WWOX: variants seen among roughly 807,000 people sequenced by gnomAD.
WWOX encodes WW domain-containing oxidoreductase.
WWOX carries 69 observed loss-of-function variants against 46.2 expected under a neutral mutation model. That is an observed-to-expected ratio of 1.49 (90% CI 1.23 to 1.82). The LOEUF (loss-of-function observed/expected upper bound fraction) is 1.82, where lower values mean the gene tolerates loss of function less well. Ranked by LOEUF, WWOX falls within the 40% of genes most tolerant of loss-of-function variation. WWOX has a pLI of 0.00. For missense variants in WWOX, 919 were observed against 542.6 expected (o/e 1.69, Z -6.89); for synonymous variants, 359 against 202.6 (o/e 1.77, Z -6.56).
At chr16:79,143,961 G>A (rs1293737360) in intron 8 of WWOX, among the ~76,000 whole-genome samples, 1 of 152,198 alleles carries the variant, frequency 6.6e-6, no homozygotes, top group African/African-American at 2.4e-5. Context: ...GTGGAGTGCA[G>A]TGGCACAGTC....
intron 8 of WWOX, among the ~76,000 whole-genome samples, chr16:78,462,883 C>G (rs1204706536): frequency 2.0e-5 from 3 of 152,158 alleles, no homozygotes; most frequent in Non-Finnish European, 2.9e-5. Context: ...CTTGCCCTGT[C>G]CTTACTGTTT....
chr16:78,492,942 T>C (rs1346548763), intron 8 of WWOX, among the ~76,000 whole-genome samples: 1 of 152,178 alleles, frequency 6.6e-6, no homozygotes, highest in Non-Finnish European at 1.5e-5. Context: ...CAATCAGTCA[T>C]GCTTAGCATA....
intron 8 of WWOX, among the ~76,000 whole-genome samples, chr16:78,994,713 A>G (rs933909343): frequency 3.3e-5 from 5 of 152,150 alleles, no homozygotes; most frequent in Admixed American, 2.6e-4. Flanking sequence ...AAAGGGGGAA[A>G]AAACTCATTT....
chr16:78,404,486 C>T (rs2082480802), intron 6 of WWOX, among the ~76,000 whole-genome samples: 1 of 152,046 alleles, frequency 6.6e-6, no homozygotes, highest in Non-Finnish European at 1.5e-5. Context: ...CCCCAACCCT[C>T]CTCATCTGCC....
intron 8 of WWOX, among the ~76,000 whole-genome samples, chr16:78,853,671 C>T (rs2052502778): frequency 6.6e-6 from 1 of 152,062 alleles, no homozygotes; most frequent in Non-Finnish European, 1.5e-5. Flanking sequence ...CGGATAAATA[C>T]TTCTAAAGTA....
At chr16:78,668,960 T>G (rs1230633422) in intron 8 of WWOX, among the ~76,000 whole-genome samples, 1 of 152,088 alleles carries the variant, frequency 6.6e-6, no homozygotes, top group African/African-American at 2.4e-5. Context: ...ATAAAGGCAA[T>G]TTGGTACTTA....
chr16:78,664,465 C>T (rs570527009), intron 8 of WWOX, among the ~76,000 whole-genome samples: 30 of 152,318 alleles, frequency 2.0e-4, no homozygotes, highest in African/African-American at 6.3e-4. Context: ...CAGGCTGGAT[C>T]ATTACCAGCC....
intron 5 of WWOX, among the ~76,000 whole-genome samples, chr16:78,246,126 C>T (rs2037807753): frequency 1.3e-5 from 2 of 152,218 alleles, no homozygotes; most frequent in African/African-American, 4.8e-5. Flanking sequence ...TCATTTGGAG[C>T]ATCTGTGCAT....
intron 8 of WWOX, among the ~76,000 whole-genome samples, chr16:79,041,589 C>T (rs1293649323): frequency 6.6e-6 from 1 of 152,036 alleles, no homozygotes; most frequent in Non-Finnish European, 1.5e-5. Context: ...GTCTGGTTGG[C>T]CTCTGGGAGT....
At chr16:78,978,386 C>G (rs1286346053) in intron 8 of WWOX, among the ~76,000 whole-genome samples, 2 of 152,116 alleles carry the variant, frequency 1.3e-5, no homozygotes, top group African/African-American at 2.4e-5. Context: ...CGCAGTAATT[C>G]TTTTTAACTT....
chr16:78,938,307 G>T (rs2045783960), intron 8 of WWOX, among the ~76,000 whole-genome samples: 2 of 152,184 alleles, frequency 1.3e-5, no homozygotes, highest in African/African-American at 2.4e-5. Context: ...TCCAACTAGG[G>T]TGTGGACCAT....
intron 8 of WWOX, among the ~76,000 whole-genome samples, chr16:79,150,817 G>A (rs563209411): frequency 1.6e-4 from 25 of 152,226 alleles, no homozygotes; most frequent in Non-Finnish European, 3.4e-4. Context: ...TAAGTTATCC[G>A]ATTTGTAAAT....
chr16:79,155,263 C>T (rs964387796), intron 8 of WWOX, among the ~76,000 whole-genome samples: 1 of 152,126 alleles, frequency 6.6e-6, no homozygotes, highest in Non-Finnish European at 1.5e-5. Flanking sequence ...GTAGTTCCAG[C>T]TACTCGGGAG....
At chr16:78,314,933 T>G (rs1451206631) in intron 5 of WWOX, among the ~76,000 whole-genome samples, 1 of 152,042 alleles carries the variant, frequency 6.6e-6, no homozygotes, top group Non-Finnish European at 1.5e-5. Flanking sequence ...AGAAGGTCAG[T>G]TAACACATGG....
intron 8 of WWOX, among the ~76,000 whole-genome samples, chr16:78,976,084 C>A (rs1305955190): frequency 6.6e-6 from 1 of 152,192 alleles, no homozygotes; most frequent in African/African-American, 2.4e-5. Context: ...ATTGTTATTC[C>A]ATCCGAATGA....
intron 8 of WWOX, among the ~76,000 whole-genome samples, chr16:79,013,032 G>C (rs2047343298): frequency 6.6e-6 from 1 of 152,174 alleles, no homozygotes; most frequent in Non-Finnish European, 1.5e-5. Flanking sequence ...TCGTGCCACT[G>C]CATGTCAGCC....
chr16:78,587,068 C>G (rs114942854), intron 8 of WWOX, among the ~76,000 whole-genome samples: 1 of 152,064 alleles, frequency 6.6e-6, no homozygotes, highest in Non-Finnish European at 1.5e-5. Context: ...CCCTGTTGCC[C>G]AGGCTGGAGT....
intron 8 of WWOX, among the ~76,000 whole-genome samples, chr16:78,656,732 C>A (rs1597402114): frequency 6.6e-6 from 1 of 152,288 alleles, no homozygotes; most frequent in South Asian, 2.1e-4. Context: ...CTGAGCACAT[C>A]CTCGTGGATC....
At chr16:79,103,331 G>A (rs2049240986) in intron 8 of WWOX, among the ~76,000 whole-genome samples, 1 of 152,202 alleles carries the variant, frequency 6.6e-6, no homozygotes, top group Admixed American at 6.5e-5. Context: ...AGGTATTAAA[G>A]TACCTTTAGG....
Sources: gnomAD v4.1 joint callset for allele counts (sites outside exome capture counted in the v4.1 genomes callset) on GRCh38, gnomAD v4.1.1 for gene constraint, MANE v1.5 for transcripts, NCBI Gene and HGNC (gene_info 2026-07-23, HGNC 2026-07-21) for gene names.